The following ASH1L variants were observed in gnomAD, a reference collection of about 807,000 sequenced individuals.
The protein encoded by ASH1L is ASH1 like histone lysine methyltransferase, also known as histone-lysine N-methyltransferase ASH1L.
ASH1L carries 23 observed loss-of-function variants against 269.0 expected under a neutral mutation model. That is an observed-to-expected ratio of 0.09 (90% CI 0.06 to 0.12). The LOEUF (loss-of-function observed/expected upper bound fraction) is 0.12. Among genes scored for constraint, ASH1L ranks in the 10% least tolerant of loss-of-function variants. ASH1L has a pLI of 1.00. For missense variants in ASH1L, 2,912 were observed against 3,567.8 expected (o/e 0.82, Z 4.68); for synonymous variants, 1,187 against 1,253.5 (o/e 0.95, Z 1.12).
At chr1:155,434,063 C>T (rs150722423) in intron 5 of ASH1L, 54 of 1,592,220 alleles carry the variant, frequency 3.4e-5, no homozygotes, top group African/African-American at 1.1e-4. Context: ...CTATGCATAA[C>T]GAGAGGATTT....
rs191006338 is a variant in ASH1L, at chr1:155,431,061, A to C, written c.5828+7266T>G. Among the ~76,000 whole-genome samples the C allele has an allele frequency of 5.3e-5, 8 of 151,970 alleles. No homozygotes were observed. The East Asian group carries it at 1.4e-3, about 26-fold the overall frequency. ...ACCCTGTCTCTACTAAAAATGCAAA[A>C]ATTAGCCGGGCATGGTGGCAGGACC... On this transcript the variant is annotated intron_variant, in intron 5 of 27. Transcript: ENST00000392403.
At chr1:155,342,576 G>T (rs1323638309) in intron 24 of ASH1L, among the ~76,000 whole-genome samples, 1 of 152,214 alleles carries the variant, frequency 6.6e-6, no homozygotes, top group Non-Finnish European at 1.5e-5. Context: ...GATTCTGAGA[G>T]AACAGTCTAG....
At chr1:155,408,356 G>A (rs1324327177) in intron 6 of ASH1L, among the ~76,000 whole-genome samples, 1 of 152,058 alleles carries the variant, frequency 6.6e-6, no homozygotes, top group African/African-American at 2.4e-5. Context: ...TCATTCCATG[G>A]TACTGAAAGG....
At chr1:155,489,835 T>TAAAC (rs894162203) in intron 2 of ASH1L, among the ~76,000 whole-genome samples, 2 of 150,618 alleles carry the variant, frequency 1.3e-5, no homozygotes, top group Non-Finnish European at 3.0e-5. Context: ...AATAAATAAA[T>TAAAC]AACAATATGG....
intron 1 of ASH1L, among the ~76,000 whole-genome samples, chr1:155,544,883 AAACT>A (rs1348397027): frequency 6.6e-6 from 1 of 152,038 alleles, no homozygotes; most frequent in African/African-American, 2.4e-5. Context: ...GAATAAAAAC[AAACT>A]ATTGGCCGGG....
intron 7 of ASH1L, among the ~76,000 whole-genome samples, chr1:155,388,231 C>T (rs1571072789): frequency 1.3e-5 from 2 of 152,286 alleles, no homozygotes; most frequent in East Asian, 1.9e-4. Context: ...ATAATTAAGA[C>T]TATGTCTTAT....
At chr1:155,509,451 A>C (rs1668025241) in intron 2 of ASH1L, among the ~76,000 whole-genome samples, 1 of 152,238 alleles carries the variant, frequency 6.6e-6, no homozygotes, top group Admixed American at 6.5e-5. Context: ...AAAGAAATTC[A>C]GTGTATGACA....
intron 4 of ASH1L, among the ~76,000 whole-genome samples, chr1:155,448,015 T>C (rs911188145): frequency 6.6e-6 from 1 of 152,232 alleles, no homozygotes; most frequent in Non-Finnish European, 1.5e-5. Context: ...AAGCCTTTCA[T>C]CCATTTTGAT....
At chr1:155,444,236 C>A (rs576342178) in intron 4 of ASH1L, among the ~76,000 whole-genome samples, 5 of 152,214 alleles carry the variant, frequency 3.3e-5, no homozygotes, top group African/African-American at 1.2e-4. Flanking sequence ...CCTGCCTTGG[C>A]CTCCCAAAGT....
chr1:155,508,893 T>C (rs536434807), intron 2 of ASH1L, among the ~76,000 whole-genome samples: 2 of 152,270 alleles, frequency 1.3e-5, no homozygotes, highest in Admixed American at 6.5e-5. Flanking sequence ...CATCAAGTCA[T>C]GCGCTAGGGG....
intron 1 of ASH1L, among the ~76,000 whole-genome samples, chr1:155,550,340 A>G (rs767991746): frequency 6.6e-6 from 1 of 152,146 alleles, no homozygotes; most frequent in Non-Finnish European, 1.5e-5. Context: ...TGAACTGGTC[A>G]ACCTGGTTGC....
chr1:155,363,762 CAGG>C (rs1004653537), intron 12 of ASH1L, among the ~76,000 whole-genome samples: 2 of 151,394 alleles, frequency 1.3e-5, no homozygotes, highest in African/African-American at 2.4e-5. Context: ...CACTTGAGGC[CAGG>C]AGTTCGAGAC....
intron 1 of ASH1L, among the ~76,000 whole-genome samples, chr1:155,543,599 C>T (rs1290029902): frequency 6.6e-6 from 1 of 151,226 alleles, no homozygotes; most frequent in South Asian, 2.1e-4. Context: ...ACTGGATATC[C>T]GTTGGCAGAA....
intron 10 of ASH1L, among the ~76,000 whole-genome samples, chr1:155,373,243 CTG>C (rs1487397001): frequency 6.7e-6 from 1 of 150,050 alleles, no homozygotes; most frequent in African/African-American, 2.5e-5. Context: ...CAAAAAAAAA[CTG>C]AACATAGAAG....
chr1:155,554,566 C>A (rs1571149712), intron 1 of ASH1L, among the ~76,000 whole-genome samples: 3 of 152,086 alleles, frequency 2.0e-5, no homozygotes, highest in African/African-American at 7.2e-5. Context: ...GCCACCATGC[C>A]CAGCCTGAAT....
rs1215575494 is a variant in ASH1L, at chr1:155,347,644, C to T, written c.7803+12G>A. On this transcript the variant is annotated intron_variant, in intron 20 of 27. Transcript: ENST00000392403. ...TCAGGACCAAGCTTCTGCTTCATTT[C>T]CTGACCCTCACCATGCACTTGTCAC... The T allele has an allele frequency of 6.2e-7, 1 of 1,613,144 alleles. No homozygotes were observed. Among genetic ancestry groups the T allele is most frequent in the Non-Finnish European group, 8.5e-7 (1 of 1,179,794 alleles).
At chr1:155,532,002 CA>C (rs1457246911) in intron 1 of ASH1L, among the ~76,000 whole-genome samples, 2 of 152,154 alleles carry the variant, frequency 1.3e-5, no homozygotes, top group Admixed American at 6.6e-5. Flanking sequence ...GTTTTCCATC[CA>C]GGGGCAAGGA....
At chr1:155,519,054 C>G (rs1216640085) in intron 2 of ASH1L, among the ~76,000 whole-genome samples, 1 of 152,172 alleles carries the variant, frequency 6.6e-6, no homozygotes, top group African/African-American at 2.4e-5. Context: ...GAATAGATAA[C>G]TGTATGGCAA....
At chr1:155,468,160 T>C (rs1394877443) in intron 3 of ASH1L, among the ~76,000 whole-genome samples, 1 of 152,118 alleles carries the variant, frequency 6.6e-6, no homozygotes, top group East Asian at 1.9e-4. Context: ...AGACTTTCCT[T>C]GTTTTTTCAG....
Sources: gnomAD v4.1 joint callset for allele counts (sites outside exome capture counted in the v4.1 genomes callset) on GRCh38, gnomAD v4.1.1 for gene constraint, MANE v1.5 for transcripts, NCBI Gene and HGNC (gene_info 2026-07-23, HGNC 2026-07-21) for gene names.